HAUS7: variants seen among roughly 807,000 people sequenced by gnomAD.
HAUS7 encodes the protein HAUS augmin-like complex subunit 7.
In HAUS7, 3 loss-of-function variants were observed where a neutral mutation model predicts 28.4. That is an observed-to-expected ratio of 0.11 (90% confidence interval 0.05 to 0.27). The LOEUF (loss-of-function observed/expected upper bound fraction) is 0.27, where lower values mean the gene tolerates loss of function less well. HAUS7 is among the 10% of genes least tolerant of loss of function. The probability of loss-of-function intolerance (pLI) is 1.00; values close to 1 mark genes in which losing one functional copy is unlikely to be tolerated. For missense variants in HAUS7, 284 were observed against 297.3 expected (o/e 0.96, Z 0.33); for synonymous variants, 165 against 132.1 (o/e 1.25, Z -1.71).
At chrX:153,467,786 C>T (rs967211793) in intron 2 of HAUS7, among the ~76,000 whole-genome samples, 1 of 112,731 alleles carries the variant, frequency 8.9e-6, no homozygotes, top group South Asian at 3.6e-4. Context: ...ACTAAAGAGC[C>T]GGAAATGACA....
At chrX:153,481,280 T>C in intron 1 of HAUS7, 1 of 679,867 alleles carries the variant, frequency 1.5e-6, no homozygotes, top group Non-Finnish European at 1.7e-6. Flanking sequence ...TGGCAGGCCC[T>C]GGGAGCCTCG....
At chrX:153,450,784 C>T (rs188014100) in intron 9 of HAUS7, among the ~76,000 whole-genome samples, 357 of 112,364 alleles carry the variant, frequency 3.2e-3, no homozygotes, top group South Asian at 0.018. Context: ...TCCAACAGAG[C>T]CTGGCTGCGG....
At chrX:153,489,880 A>G (rs2089661009) in intron 1 of HAUS7, among the ~76,000 whole-genome samples, 2 of 111,447 alleles carry the variant, frequency 1.8e-5, no homozygotes, top group Non-Finnish European at 3.8e-5. Flanking sequence ...GTTCACAAGC[A>G]TCTCGCCTAC....
chrX:153,481,391 G>A (rs1336429955), intron 1 of HAUS7: 3 of 753,340 alleles, frequency 4.0e-6, no homozygotes, highest in Non-Finnish European at 4.7e-6. Context: ...CTGAGGATCC[G>A]GCGCCCACAG....
intron 1 of HAUS7, among the ~76,000 whole-genome samples, chrX:153,493,604 G>A (rs1000310656): frequency 1.8e-5 from 2 of 112,335 alleles, no homozygotes; most frequent in Non-Finnish European, 3.8e-5. Flanking sequence ...CCTGGCCCCT[G>A]GTTTCCCACG....
chrX:153,479,657 G>T (rs1556986904), intron 1 of HAUS7, among the ~76,000 whole-genome samples: 1 of 112,513 alleles, frequency 8.9e-6, no homozygotes, highest in African/African-American at 3.2e-5. Flanking sequence ...ATCTCAGGTG[G>T]CTGGGAGTAT....
At chrX:153,457,758 C>T (rs958853368) in intron 4 of HAUS7, among the ~76,000 whole-genome samples, 53 of 113,160 alleles carry the variant, frequency 4.7e-4, no homozygotes, top group Non-Finnish European at 2.3e-4. Context: ...GTCCCCCACT[C>T]GCCGGAAAGG....
intron 9 of HAUS7, among the ~76,000 whole-genome samples, chrX:153,450,088 C>A (rs1401471032): frequency 8.9e-5 from 10 of 112,136 alleles, no homozygotes; most frequent in African/African-American, 2.9e-4. Flanking sequence ...GTAGCTGCCA[C>A]TGCCCCTGGT....
At chrX:153,481,501 C>T in intron 1 of HAUS7, 1 of 756,539 alleles carries the variant, frequency 1.3e-6, no homozygotes, top group Non-Finnish European at 1.6e-6. Context: ...CAGGCACAGG[C>T]ACGCAGACCT....
chrX:153,485,234 T>G (rs1429317238), intron 1 of HAUS7, among the ~76,000 whole-genome samples: 9 of 111,303 alleles, frequency 8.1e-5, no homozygotes, highest in Non-Finnish European at 1.5e-4. Flanking sequence ...TCCCCACACA[T>G]CTAGCTTCCA....
upstream of HAUS7, among the ~76,000 whole-genome samples, chrX:153,472,833 C>G (rs1327790017): frequency 9.4e-6 from 1 of 106,613 alleles, no homozygotes; most frequent in African/African-American, 3.5e-5. Flanking sequence ...GGGTCAGGAG[C>G]CAAAAATGTG....
intron 2 of HAUS7, among the ~76,000 whole-genome samples, chrX:153,466,886 G>A (rs1238499559): frequency 1.8e-5 from 2 of 112,434 alleles, no homozygotes; most frequent in African/African-American, 6.5e-5. Context: ...TCAGATTAGG[G>A]ACACTCGACC....
intron 1 of HAUS7, among the ~76,000 whole-genome samples, chrX:153,478,225 C>G (rs1381016241): frequency 8.9e-6 from 1 of 112,686 alleles, no homozygotes; most frequent in Admixed American, 9.3e-5. Flanking sequence ...AACCCTGGCT[C>G]CCACAGCAGA....
At chrX:153,455,837 C>G (rs1312575206) in intron 7 of HAUS7, 71 bp from the exon 8 acceptor site, 10 of 611,781 alleles carry the variant, frequency 1.6e-5, no homozygotes, top group East Asian at 1.3e-4. Flanking sequence ...GCCCTCACCT[C>G]AGACACTGCA....
chrX:153,449,580 G>T (rs1447406241), intron 9 of HAUS7, among the ~76,000 whole-genome samples: 1 of 112,800 alleles, frequency 8.9e-6, no homozygotes, highest in Non-Finnish European at 1.9e-5. Context: ...AGAGCCCAAG[G>T]CCGGGTGTGC....
intron 1 of HAUS7, chrX:153,483,332 G>A (rs1434064123): frequency 8.0e-5 from 60 of 754,154 alleles, no homozygotes; most frequent in East Asian, 1.5e-4. Context: ...CAACCTCATC[G>A]AGGAGGTGGC....
chrX:153,492,314 G>C (rs1427116343), intron 1 of HAUS7, among the ~76,000 whole-genome samples: 4 of 112,412 alleles, frequency 3.6e-5, no homozygotes, highest in African/African-American at 1.3e-4. Context: ...TGAGGAGGGG[G>C]GAGTGGGAGG....
intron 4 of HAUS7, among the ~76,000 whole-genome samples, chrX:153,461,061 A>G (rs2089383118): frequency 8.9e-6 from 1 of 112,165 alleles, no homozygotes; most frequent in Non-Finnish European, 1.9e-5. Context: ...GGACCCGAAG[A>G]GCCATGCAAA....
intron 1 of HAUS7, chrX:153,481,952 T>G: frequency 5.5e-5 from 33 of 602,661 alleles, no homozygotes; most frequent in South Asian, 8.6e-5. Flanking sequence ...TCACCTCTTC[T>G]CGGGGGCCGG....
Sources: allele counts gnomAD v4.1 joint callset (sites outside exome capture counted in the v4.1 genomes callset), GRCh38; gene constraint gnomAD v4.1.1; transcripts MANE v1.5; gene names NCBI Gene and HGNC (gene_info 2026-07-23, HGNC 2026-07-21).